G6PC3: variants seen among roughly 807,000 people sequenced by gnomAD.
G6PC3 encodes glucose-6-phosphatase 3.
In G6PC3, 30 loss-of-function variants were observed where a neutral mutation model predicts 38.6. That is an observed-to-expected ratio of 0.78 (90% CI 0.58 to 1.05). The LOEUF (loss-of-function observed/expected upper bound fraction) is 1.05, where lower values mean the gene tolerates loss of function less well. Among genes scored for constraint, G6PC3 ranks in the 50% least tolerant of loss-of-function variants. G6PC3 has a pLI of 0.00. For missense variants in G6PC3, 377 were observed against 443.1 expected (o/e 0.85, Z 1.34); for synonymous variants, 192 against 178.1 (o/e 1.08, Z -0.62).
At chr17:44,071,247 G>T (rs190571148) in intron 1 of G6PC3, 64 bp downstream of exon 1, 3 of 1,572,244 alleles carry the variant, frequency 1.9e-6, no homozygotes, top group African/African-American at 2.7e-5. Flanking sequence ...TCATGTGTAA[G>T]CCCTGGTCTC....
intron 3 of G6PC3, 96 bp downstream of exon 3, chr17:44,074,866 G>A (rs1207588073): frequency 4.7e-6 from 7 of 1,477,122 alleles, no homozygotes; most frequent in African/African-American, 1.4e-5. Flanking sequence ...CTGGAGTTTT[G>A]GGGACCCTAG....
chr17:44,075,448 C>G lies in G6PC3; in HGVS notation c.674C>G (p.Ser225Cys), dbSNP rs748442084. Residue 225 changes from serine to cysteine, a missense_variant, in exon 5 of 6, where the codon TCT becomes TGT. Transcript: ENST00000269097. Reference sequence around the variant, plus strand: ...CTCTTTACACTGGGCCTGGATCTTTCTTGGTAAGTCTCGCTTTGAAGCCTG... The same window carrying G: ...CTCTTTACACTGGGCCTGGATCTTTGTTGGTAAGTCTCGCTTTGAAGCCTG... ...WTLFTLGLDL[S>C]WSISLAFKWC... is the part of the protein sequence containing the mutation. 32 of 1,614,208 alleles carry G rather than the reference C, an allele frequency of 2.0e-5. 1 individual carries two copies. In the South Asian group the frequency reaches 3.3e-4, roughly 17 times the overall value.
Position 44,074,110 on chromosome 17 carries a change from C to A in G6PC3, c.219-50C>A, listed in dbSNP as rs148256151. ...TGTGTCCTGCCCGCCTTGTACCCCC[C>A]CTGGCTGTGTGTGCATGTGGAAAGT... is the stretch of plus-strand genomic sequence containing the variant. On this transcript the variant is annotated intron_variant, in intron 1 of 5. Transcript: ENST00000269097. 34 of 1,314,932 alleles carry A rather than the reference C, an allele frequency of 2.6e-5. No homozygotes were observed. In the Middle Eastern group the frequency reaches 5.4e-4, roughly 21 times the overall value. 81.5% of individuals were successfully genotyped at this position (1,314,932 alleles called of 1,614,324 possible).
rs1250610396 is a variant in G6PC3, at chr17:44,075,029, G to A, written c.477G>A (p.Leu159=). ...AYCTFLLAVG[L]SRIFILAHFP... is the part of the protein sequence containing the mutation. Reference sequence around the variant, plus strand: ...GCACCTTCCTTTTGGCGGTTGGCTTGTCGCGAATCTTCATCTTAGCACATT... The same window carrying A: ...GCACCTTCCTTTTGGCGGTTGGCTTATCGCGAATCTTCATCTTAGCACATT... The change falls in exon 4 of 6, where the codon TTG becomes TTA. Residue 159 remains leucine, a synonymous_variant. Coordinates refer to ENST00000269097, the MANE Select transcript of G6PC3 (RefSeq NM_138387.4). The A allele has an allele frequency of 1.2e-6, 2 of 1,614,172 alleles. No individual in the cohort carries two copies. The highest frequency in any genetic ancestry group is 1.7e-5 in the Admixed American group (1 of 60,022).
chr17:44,071,281 T>C (rs954672505), intron 1 of G6PC3, 98 bp downstream of exon 1: 5 of 1,534,772 alleles, frequency 3.3e-6, no homozygotes, highest in Middle Eastern at 4.4e-4. Flanking sequence ...CTCAAGGGCC[T>C]TCCCACCCCT....
In G6PC3 at chr17:44,075,938, C is replaced by T. The variant is rs1405003796; in HGVS notation, c.936C>T (p.Phe312=). The T allele has an allele frequency of 1.2e-6, 2 of 1,613,174 alleles. No homozygotes were observed. The highest frequency in any genetic ancestry group is 2.2e-5 in the East Asian group (1 of 44,890). The change falls in exon 6 of 6, where the codon TTC becomes TTT. Residue 312 remains phenylalanine (F), a synonymous_variant. Transcript: ENST00000269097. ...CTCAGATCAGCCTCTTCTACATTTT[C>T]AATTTCCTCAAGTACACCCTCTGGC... ...HPPQISLFYI[F]NFLKYTLWPC... is the part of the protein sequence containing the mutation.
chr17:44,072,790 A>G (rs1048051524), intron 1 of G6PC3: 2 of 150,568 alleles, frequency 1.3e-5, no homozygotes, highest in Admixed American at 1.3e-4. Flanking sequence ...GGCACCCACC[A>G]CCACGCCCGG....
Position 44,070,963 on chromosome 17 carries a change from G to T in G6PC3, c.-3G>T. 3 of 1,550,678 alleles carry T rather than the reference G, an allele frequency of 1.9e-6. No individual in the cohort carries two copies. Among genetic ancestry groups the T allele is most frequent in the Non-Finnish European group, 1.7e-6 (2 of 1,147,292 alleles). On this transcript the variant is annotated 5_prime_UTR_variant, in exon 1 of 6. Transcript: ENST00000269097. Reference sequence around the variant, plus strand: ...CCGGGGCCTGGTCGGCAGCTGGGCCGCCATGGAGTCCACGCTGGGCGCGGG... The same window carrying T: ...CCGGGGCCTGGTCGGCAGCTGGGCCTCCATGGAGTCCACGCTGGGCGCGGG...
chr17:44,074,591 G>A (rs1259457052), intron 2 of G6PC3, 89 bp from the exon 3 acceptor site: 2 of 1,102,418 alleles, frequency 1.8e-6, no homozygotes, highest in Non-Finnish European at 2.8e-6. Flanking sequence ...TTCTCAGCCA[G>A]GAAAGGCAGC....
chr17:44,076,051 T>C lies in G6PC3; in HGVS notation c.*8T>C. The C allele has an allele frequency of 6.2e-7, 1 of 1,612,242 alleles. No individual in the cohort carries two copies. Among genetic ancestry groups the C allele is most frequent in the Non-Finnish European group, 8.5e-7 (1 of 1,180,002 alleles). On this transcript the variant is annotated 3_prime_UTR_variant, in exon 6 of 6. Coordinates refer to ENST00000269097, the MANE Select transcript of G6PC3 (RefSeq NM_138387.4). ...CCCATCCACTCTTCCTGACTTCTTGTGTGCCTCCCTTTCCTTTCCCTCCCA... is the reference window on the plus strand; with the variant it reads ...CCCATCCACTCTTCCTGACTTCTTGCGTGCCTCCCTTTCCTTTCCCTCCCA...
At position 44,075,308 on chromosome 17, in the gene G6PC3, A is replaced by C; in HGVS notation, c.536-2A>C. On this transcript the variant is annotated splice_acceptor_variant, in intron 4 of 5. Transcript: ENST00000269097. LOFTEE classifies it high-confidence loss of function. ...GAAGCTGTTGTCACTCCACTCTCCT[A>C]GGCGCTGTCCTGGGCTGGCTGATGA... The C allele has an allele frequency of 1.2e-6, 2 of 1,614,072 alleles. No homozygotes were observed. Among genetic ancestry groups the C allele is most frequent in the Non-Finnish European group, 1.7e-6 (2 of 1,180,024 alleles).
rs2049970306 is a variant in G6PC3, at chr17:44,071,120, G to A, written c.155G>A (p.Arg52His). The part of the protein sequence containing the change: ...YFPAAYYASR[R>H]VGIAVLWISL... ...CCCGCGGCCTACTACGCCTCCCGCC[G>A]TGTGGGCATCGCGGTGCTCTGGATC... is the stretch of plus-strand genomic sequence containing the variant. Residue 52 changes from arginine (R) to histidine (H), a missense_variant, in exon 1 of 6, where the codon CGT becomes CAT. By Grantham distance (29) the Arg-to-His change is conservative (BLOSUM62 0). Transcript: ENST00000269097. 2 of 1,613,916 alleles carry A rather than the reference G, an allele frequency of 1.2e-6. No homozygotes were observed. Among genetic ancestry groups the A allele is most frequent in the African/African-American group, 1.3e-5 (1 of 74,944 alleles).
At position 44,075,760 on chromosome 17, in the gene G6PC3, G is replaced by A. The variant is rs118203968; in HGVS notation, c.758G>A (p.Arg253His). ...AGCCGGCCCTTTGCCTCCCTGAGCC[G>A]TGACTCAGGGGCTGCCCTGGGCCTG... is the stretch of plus-strand genomic sequence containing the variant. ...VDSRPFASLS[R>H]DSGAALGLGI... The change falls in exon 6 of 6, where the codon CGT (arginine) becomes CAT (histidine). Residue 253 changes from arginine (R) to histidine (H), a missense_variant. Transcript: ENST00000269097. 1.1e-5 allele frequency: 18 copies of A among 1,612,318 alleles called. No individual in the cohort carries two copies. Among genetic ancestry groups the A allele is most frequent in the East Asian group, 2.2e-5 (1 of 44,870 alleles).
chr17:44,071,618 A>G lies in G6PC3; in HGVS notation c.218+435A>G, dbSNP rs1172330975. On this transcript the variant is annotated intron_variant, in intron 1 of 5. Coordinates refer to ENST00000269097, the MANE Select transcript of G6PC3 (RefSeq NM_138387.4). ...ATTCATGTATTCATTCATTTGCTATAATTTTTCAGAAGCATGCTTTGTGCT... is the reference window on the plus strand; with the variant it reads ...ATTCATGTATTCATTCATTTGCTATGATTTTTCAGAAGCATGCTTTGTGCT... 3 of 1,269,386 alleles carry G rather than the reference A, an allele frequency of 2.4e-6. No individual in the cohort carries two copies. The African/African-American group carries it at 4.6e-5, about 19-fold the overall frequency. The allele number at this position is 1,269,386 out of a possible 1,614,324, so 78.6% of individuals were successfully genotyped here.
chr17:44,070,996 A>G lies in G6PC3; in HGVS notation c.31A>G (p.Ile11Val), dbSNP rs1597905158. Residue 11 changes from isoleucine to valine, a missense_variant, in exon 1 of 6, where the codon ATA (isoleucine) becomes GTA (valine). Ile to Val is a conservative substitution (Grantham distance 29). Transcript: ENST00000269097. MESTLGAGIVIAEALQNQLAW... is the reference protein window; with the variant it reads MESTLGAGIVVAEALQNQLAW... The stretch of plus-strand genomic sequence containing the variant: ...GTCCACGCTGGGCGCGGGCATCGTG[A>G]TAGCCGAGGCGCTACAGAACCAGCT... 6.4e-7 allele frequency: 1 copy of G among 1,559,556 alleles called. No individual in the cohort carries two copies. Among genetic ancestry groups the G allele is most frequent in the Non-Finnish European group, 8.7e-7 (1 of 1,151,026 alleles).
upstream of G6PC3, chr17:44,070,715 G>A (rs562824533): frequency 3.1e-4 from 169 of 552,142 alleles, no homozygotes; most frequent in Non-Finnish European, 5.1e-4. Flanking sequence ...CTTTACAAAG[G>A]TTTGTCCCCT....
Position 44,076,258 on chromosome 17 carries a change from A to T in G6PC3, c.*215A>T. The T allele has an allele frequency of 2.7e-6, 2 of 736,432 alleles. No individual in the cohort carries two copies. Among genetic ancestry groups the T allele is most frequent in the Non-Finnish European group, 4.8e-6 (2 of 413,012 alleles). 45.6% of individuals were successfully genotyped at this position (736,432 alleles called of 1,614,324 possible). A position where few individuals can be genotyped will look rare whatever the true frequency, so the allele number is the denominator to read the frequency against. ...TGCCTTTCCTCTCAAGCCCCCAAAGAGCAAAGGCAACAGCAAGACCAGCGG... is the reference window on the plus strand; with the variant it reads ...TGCCTTTCCTCTCAAGCCCCCAAAGTGCAAAGGCAACAGCAAGACCAGCGG... On this transcript the variant is annotated 3_prime_UTR_variant, in exon 6 of 6. Coordinates refer to ENST00000269097, the MANE Select transcript of G6PC3 (RefSeq NM_138387.4).
rs1438742876 is a variant in G6PC3, at chr17:44,070,900, C to T, written c.-66C>T. 1.3e-6 allele frequency: 2 copies of T among 1,528,048 alleles called. No individual in the cohort carries two copies. The highest frequency in any genetic ancestry group is 2.7e-5 in the African/African-American group (2 of 72,868). 94.7% of individuals were successfully genotyped at this position (1,528,048 alleles called of 1,614,324 possible). On this transcript the variant is annotated 5_prime_UTR_variant, in exon 1 of 6. Coordinates refer to ENST00000269097, the MANE Select transcript of G6PC3 (RefSeq NM_138387.4). ...TTTGGAGATCAGAGGGTCGACGCTG[C>T]TTCGTTGCCTGGACTCTGGTTTCCG...
Position 44,074,953 on chromosome 17 carries a change from C to T in G6PC3, c.417-16C>T, listed in dbSNP as rs1335205837. On this transcript the variant is annotated splice_polypyrimidine_tract_variant and intron_variant, in intron 3 of 5. Coordinates refer to ENST00000269097, the MANE Select transcript of G6PC3 (RefSeq NM_138387.4). ...GTATGGACACGCTCTGAGCTCCTTG[C>T]CTCTCTTCTTTCTAGCCGCTGGGTA... 9.3e-6 allele frequency: 15 copies of T among 1,604,784 alleles called. No individual in the cohort carries two copies. The highest frequency in any genetic ancestry group is 1.2e-5 in the Non-Finnish European group (14 of 1,171,384).
Sources: gnomAD v4.1 joint callset for allele counts on GRCh38, gnomAD v4.1.1 for gene constraint, MANE v1.5 for transcripts, NCBI Gene and HGNC (gene_info 2026-07-23, HGNC 2026-07-21) for gene names.